The following CD96 variants were observed in gnomAD, a reference collection of about 807,000 sequenced individuals.
CD96 encodes the protein CD96 molecule, also known as T-cell surface protein tactile.
CD96 carries 70 observed loss-of-function variants against 71.3 expected under a neutral mutation model. That is an observed-to-expected ratio of 0.98 (90% CI 0.81 to 1.20). The LOEUF (loss-of-function observed/expected upper bound fraction) is 1.20. CD96 is among the 50% of genes most tolerant of loss of function. The pLI is 0.00. For synonymous variants in CD96, 248 were observed against 233.0 expected, an observed-to-expected ratio of 1.06 and a Z score of -0.59; for missense variants, 742 against 677.5, an observed-to-expected ratio of 1.10 and a Z score of -1.06.
intron 7 of CD96, 29 bp downstream of exon 7, chr3:111,600,943 A>T: frequency 7.1e-7 from 1 of 1,399,916 alleles, no homozygotes; most frequent in Non-Finnish European, 1.0e-6. Context: ...AAGATCAACA[A>T]GAGTTTGCTA....
intron 10 of CD96, among the ~76,000 whole-genome samples, chr3:111,629,968 A>G (rs574460006): frequency 3.7e-4 from 57 of 152,220 alleles, no homozygotes; most frequent in African/African-American, 1.3e-3. Flanking sequence ...TGAAACCAAG[A>G]ACAACAATAC....
chr3:111,549,839 T>A (rs1282013012), intron 2 of CD96, among the ~76,000 whole-genome samples: 1 of 152,156 alleles, frequency 6.6e-6, no homozygotes, highest in Non-Finnish European at 1.5e-5. Flanking sequence ...AGATGTTGAG[T>A]TAGGCATGAA....
chr3:111,584,078 C>G (rs539727211), intron 4 of CD96, among the ~76,000 whole-genome samples: 1 of 152,354 alleles, frequency 6.6e-6, no homozygotes, highest in African/African-American at 2.4e-5. Flanking sequence ...CAATACACCT[C>G]TCGAATGCTT....
intron 10 of CD96, among the ~76,000 whole-genome samples, chr3:111,624,744 A>C (rs1026482201): frequency 6.7e-6 from 1 of 149,906 alleles, no homozygotes; most frequent in South Asian, 2.1e-4. Flanking sequence ...GAGCAATGCT[A>C]TAACCAGTCA....
chr3:111,553,434 C>CT (rs34837219), intron 2 of CD96, among the ~76,000 whole-genome samples: 332 of 115,136 alleles, frequency 2.9e-3, no homozygotes, highest in South Asian at 8.1e-3. Context: ...TTTCTTTTTT[C>CT]TTTTTTTTTT....
chr3:111,630,947 A>G (rs1167930659), intron 10 of CD96, among the ~76,000 whole-genome samples: 1 of 152,232 alleles, frequency 6.6e-6, no homozygotes, highest in Non-Finnish European at 1.5e-5. Context: ...GGCCTTCAGT[A>G]AAATTTAACA....
rs1935950687 is a variant in CD96 at position 111,570,935 on chromosome 3, G to C, written c.543+3288G>C. ...CAGTGCATGAGGCGCCAGCGTCAAA[G>C]TAGGGGGTCTTGAGTGGGCTGTGCT... On this transcript the variant is annotated intron_variant, in intron 3 of 13. Coordinates refer to ENST00000352690, the MANE Select transcript of CD96 (RefSeq NM_005816.5). The C allele has an allele frequency of 2.5e-6, 4 of 1,570,272 alleles. No homozygotes were observed. In the African/African-American group the frequency reaches 4.1e-5, roughly 16 times the overall value.
intron 5 of CD96, among the ~76,000 whole-genome samples, chr3:111,587,518 T>G (rs763530478): frequency 4.6e-5 from 7 of 152,212 alleles, no homozygotes; most frequent in Non-Finnish European, 1.0e-4. Context: ...GTCACGGATC[T>G]ACCATTCTGG....
chr3:111,582,120 A>G (rs1270958348), intron 4 of CD96, among the ~76,000 whole-genome samples: 3 of 152,158 alleles, frequency 2.0e-5, no homozygotes, highest in African/African-American at 4.8e-5. Context: ...AGTTTTTACT[A>G]CTTGTGGACT....
chr3:111,548,811 T>C (rs1934548429), intron 2 of CD96, among the ~76,000 whole-genome samples: 1 of 152,158 alleles, frequency 6.6e-6, no homozygotes, highest in Admixed American at 6.6e-5. Context: ...AACATGTTGT[T>C]ATCCTGTCTA....
chr3:111,555,453 T>A (rs1177989960), intron 2 of CD96, among the ~76,000 whole-genome samples: 1 of 152,310 alleles, frequency 6.6e-6, no homozygotes, highest in African/African-American at 2.4e-5. Flanking sequence ...TTTTTAATTT[T>A]AAAGGATAAT....
At chr3:111,554,848 G>A (rs1390595406) in intron 2 of CD96, among the ~76,000 whole-genome samples, 2 of 151,832 alleles carry the variant, frequency 1.3e-5, no homozygotes, top group African/African-American at 2.4e-5. Context: ...ATCAGTGGGA[G>A]CCCTGAGCTT....
chr3:111,657,477 A>G (rs576753024), intron 14 of CD96, among the ~76,000 whole-genome samples: 2 of 151,908 alleles, frequency 1.3e-5, no homozygotes, highest in South Asian at 4.2e-4. Context: ...ATTTGACTAT[A>G]TACCCCAGTC....
rs1334848123 is a variant in CD96, at chr3:111,598,101, T to C, written c.808-19T>C. ...TTCTTAGGAATTTGCAAATAATCCT[T>C]TTTCTGTCTTTACCCCAGAGAAGAT... is the stretch of plus-strand genomic sequence containing the variant. On this transcript the variant is annotated intron_variant, in intron 5 of 13. Coordinates refer to ENST00000352690, the MANE Select transcript of CD96 (RefSeq NM_005816.5). 9.2e-7 allele frequency: 1 copy of C among 1,092,194 alleles called. No homozygotes were observed. Among genetic ancestry groups the C allele is most frequent in the East Asian group, 2.4e-5 (1 of 42,434 alleles). 67.7% of individuals were successfully genotyped at this position (1,092,194 alleles called of 1,614,324 possible).
At chr3:111,598,586 A>G (rs1467507622) in intron 6 of CD96, among the ~76,000 whole-genome samples, 1 of 152,220 alleles carries the variant, frequency 6.6e-6, no homozygotes, top group African/African-American at 2.4e-5. Context: ...TTTCAATACA[A>G]TATGTTCAAT....
intron 10 of CD96, among the ~76,000 whole-genome samples, chr3:111,635,947 T>A (rs906093646): frequency 4.6e-5 from 7 of 152,222 alleles, no homozygotes; most frequent in African/African-American, 1.7e-4. Context: ...TAGTCCCAAT[T>A]GTTTTTCAGT....
intron 1 of CD96, among the ~76,000 whole-genome samples, chr3:111,543,853 G>A (rs774176267): frequency 4.6e-5 from 7 of 152,118 alleles, no homozygotes; most frequent in African/African-American, 9.7e-5. Context: ...GAATTGTCAC[G>A]GGTTAAATAA....
intron 10 of CD96, among the ~76,000 whole-genome samples, chr3:111,635,769 G>A (rs9850705): frequency 0.026 from 3,961 of 152,140 alleles, 169 homozygotes; most frequent in African/African-American, 0.088. Context: ...AGACTTTAGC[G>A]TAAATTAATT....
intron 5 of CD96, among the ~76,000 whole-genome samples, chr3:111,595,821 T>C (rs1937230223): frequency 6.6e-6 from 1 of 151,872 alleles, no homozygotes; most frequent in Non-Finnish European, 1.5e-5. Flanking sequence ...CTAAAGAAGG[T>C]ATCAATAGAA....
Sources: allele counts gnomAD v4.1 joint callset (sites outside exome capture counted in the v4.1 genomes callset), GRCh38; gene constraint gnomAD v4.1.1; transcripts MANE v1.5; gene names NCBI Gene and HGNC (gene_info 2026-07-23, HGNC 2026-07-21).